PTPN13: variants seen among roughly 807,000 people sequenced by gnomAD.
PTPN13 encodes the protein protein tyrosine phosphatase non-receptor type 13.
In PTPN13, 191 loss-of-function variants were observed where a neutral mutation model predicts 284.0. The ratio of observed to expected loss-of-function variants is 0.67; its 90% confidence interval spans 0.60 to 0.76. PTPN13 has a LOEUF of 0.76. PTPN13 is among the 30% of genes least tolerant of loss of function. The pLI, the probability that PTPN13 is intolerant of heterozygous loss-of-function variation, is 0.00. For synonymous variants in PTPN13, 986 were observed against 1,022.3 expected, an observed-to-expected ratio of 0.96 and a Z score of 0.68; for missense variants, 2,797 against 2,939.9, an observed-to-expected ratio of 0.95 and a Z score of 1.12.
chr4:86,750,956 T>G (rs1349223874), intron 18 of PTPN13, 69 bp downstream of exon 18: 3 of 1,564,424 alleles, frequency 1.9e-6, no homozygotes, highest in Middle Eastern at 1.7e-4. Flanking sequence ...CTTTTTGTTA[T>G]GACATTTTAT....
intron 10 of PTPN13, among the ~76,000 whole-genome samples, chr4:86,726,415 G>A (rs1734261799): frequency 6.7e-6 from 1 of 149,198 alleles, no homozygotes; most frequent in African/African-American, 2.4e-5. Flanking sequence ...TGGGCAGTAT[G>A]GCCATTTTCA....
intron 31 of PTPN13, among the ~76,000 whole-genome samples, chr4:86,771,894 G>A (rs1740041550): frequency 6.6e-6 from 1 of 152,192 alleles, no homozygotes; most frequent in South Asian, 2.1e-4. Context: ...GGAGATAAGG[G>A]CAGAGAGTTT....
At chr4:86,692,825 A>G (rs1404226816) in intron 5 of PTPN13, among the ~76,000 whole-genome samples, 2 of 152,182 alleles carry the variant, frequency 1.3e-5, no homozygotes, top group Non-Finnish European at 2.9e-5. Context: ...CACGCCTGTA[A>G]TCCCAGCACT....
At chr4:86,634,738 A>G (rs1213461149) in intron 1 of PTPN13, among the ~76,000 whole-genome samples, 1 of 152,222 alleles carries the variant, frequency 6.6e-6, no homozygotes, top group African/African-American at 2.4e-5. Context: ...AGTGCAAAAT[A>G]TACAGTTATA....
chr4:86,809,926 G>A lies in PTPN13; in HGVS notation c.7241G>A (p.Arg2414His), dbSNP rs1161314636. 13 of 1,613,858 alleles carry A rather than the reference G, an allele frequency of 8.1e-6. No individual in the cohort carries two copies. The highest frequency in any genetic ancestry group is 4.5e-5 in the East Asian group (2 of 44,884). Residue 2414 changes from arginine (R) to histidine (H), a missense_variant, in exon 46 of 48, where the codon CGT becomes CAT. Physicochemically the swap from Arg to His is conservative, Grantham distance 29. Transcript: ENST00000411767. ...ACGCACTGCAGTGCTGGCATTGGAC[G>A]TTCAGGGACCCTGATTTGCATAGAT... is the stretch of plus-strand genomic sequence containing the variant. ...IITHCSAGIG[R>H]SGTLICIDVV...
At chr4:86,686,279 C>T (rs527838809) in intron 3 of PTPN13, among the ~76,000 whole-genome samples, 2 of 151,666 alleles carry the variant, frequency 1.3e-5, no homozygotes, top group African/African-American at 2.4e-5. Flanking sequence ...GGAGAATTGC[C>T]GGGGGATGGA....
rs1287809322 is a variant in PTPN13 at position 86,672,506 on chromosome 4, A to C, written c.257A>C (p.Gln86Pro). 4 of 1,606,856 alleles carry C rather than the reference A, an allele frequency of 2.5e-6. No homozygotes were observed. The African/African-American group carries it at 5.4e-5, about 21-fold the overall frequency. ...LRAFTAPEVLQNQSLTSLSDV... is the reference protein window; with the variant it reads ...LRAFTAPEVLPNQSLTSLSDV... ...GCATTCACTGCACCAGAGGTTCTTC[A>C]AAATCAGTCACTAACTTCTCTCTCA... is the stretch of plus-strand genomic sequence containing the variant. Residue 86 changes from glutamine to proline, a missense_variant, in exon 3 of 48, where the codon CAA (glutamine) becomes CCA (proline). Gln to Pro is a moderately conservative substitution (Grantham distance 76). Transcript: ENST00000411767.
At chr4:86,635,984 C>T (rs1480582347) in intron 2 of PTPN13, among the ~76,000 whole-genome samples, 3 of 151,996 alleles carry the variant, frequency 2.0e-5, no homozygotes, top group Non-Finnish European at 4.4e-5. Context: ...AATACACACA[C>T]ACTCACACAC....
chr4:86,706,053 TAAC>T (rs1731732438), intron 7 of PTPN13, among the ~76,000 whole-genome samples: 1 of 152,156 alleles, frequency 6.6e-6, no homozygotes, highest in Non-Finnish European at 1.5e-5. Flanking sequence ...TTTCCCCAGC[TAAC>T]AACATCAACT....
chr4:86,793,121 G>C (rs1488780712), intron 40 of PTPN13, among the ~76,000 whole-genome samples: 2 of 123,388 alleles, frequency 1.6e-5, no homozygotes, highest in African/African-American at 6.1e-5. Context: ...CCCATCTCAT[G>C]TGCAATGACG....
At chr4:86,639,204 C>T (rs28787734) in intron 2 of PTPN13, among the ~76,000 whole-genome samples, 10,301 of 150,258 alleles carry the variant, frequency 0.069, 486 homozygotes, top group African/African-American at 0.11. Flanking sequence ...TGTGGAGAAA[C>T]AGGAACACTT....
rs1177058052 is a variant in PTPN13 at position 86,693,068 on chromosome 4, AT to A, written c.547-516del. On this transcript the variant is annotated intron_variant, in intron 5 of 47. Coordinates refer to ENST00000411767, the MANE Select transcript of PTPN13 (RefSeq NM_080683.3). ...GGGTGACAGAGTGAGACTCCGTTAT[AT>A]TTAAAAAAAAAAAAAAAAAAAAAAG... Among the ~76,000 whole-genome samples, 17 of 81,184 alleles carry A rather than the reference AT, an allele frequency of 2.1e-4. No individual in the cohort carries two copies. In the South Asian group the frequency reaches 4.0e-3, roughly 19 times the overall value. The allele number at this position is 81,184 out of a possible 152,430, so 53.3% of individuals were successfully genotyped here.
intron 2 of PTPN13, among the ~76,000 whole-genome samples, chr4:86,659,781 A>T (rs1036609165): frequency 4.6e-5 from 7 of 151,744 alleles, no homozygotes; most frequent in Admixed American, 1.3e-4. Flanking sequence ...GTGACACCGC[A>T]CTCCAGCCTG....
chr4:86,661,010 G>T (rs961704850), intron 2 of PTPN13: 8 of 393,974 alleles, frequency 2.0e-5, no homozygotes, highest in Non-Finnish European at 3.5e-5. Flanking sequence ...TATTGTTGAG[G>T]TATAACATAT....
At chr4:86,814,374 C>T (rs1745570616) in intron 47 of PTPN13, 82 bp from the exon 48 acceptor site, 1 of 932,802 alleles carries the variant, frequency 1.1e-6, no homozygotes, top group Non-Finnish European at 1.6e-6. Context: ...TCCAACATCA[C>T]TTCCAATAGT....
At chr4:86,654,164 C>T (rs1725455173) in intron 2 of PTPN13, among the ~76,000 whole-genome samples, 1 of 152,138 alleles carries the variant, frequency 6.6e-6, no homozygotes, top group Non-Finnish European at 1.5e-5. Flanking sequence ...CAAGAAATAA[C>T]TAAGACCAGA....
chr4:86,664,171 C>T (rs78405897), intron 2 of PTPN13, among the ~76,000 whole-genome samples: 7,095 of 152,116 alleles, frequency 0.047, 221 homozygotes, highest in African/African-American at 0.061. Context: ...AGAAAGCCTG[C>T]GTAATTTCTT....
In PTPN13 at chr4:86,635,320, T is replaced by G; in HGVS notation, c.64T>G (p.Trp22Gly). 1.2e-6 allele frequency: 2 copies of G among 1,607,716 alleles called. No homozygotes were observed. The highest frequency in any genetic ancestry group is 1.7e-6 in the Non-Finnish European group (2 of 1,177,338). ...TGGACCACTTCAGGAGGAAGAAATA[T>G]GGGCTGTATTAAATCAAAGTGCTGA... is the stretch of plus-strand genomic sequence containing the variant. ...RGGPLQEEEIWAVLNQSAESL... is the reference protein window; with the variant it reads ...RGGPLQEEEIGAVLNQSAESL... The change falls in exon 2 of 48, where the codon TGG (tryptophan) becomes GGG (glycine). Residue 22 changes from tryptophan to glycine, a missense_variant. Coordinates refer to ENST00000411767, the MANE Select transcript of PTPN13 (RefSeq NM_080683.3).
Position 86,672,350 on chromosome 4 carries a change from G to A in PTPN13, c.116-15G>A, listed in dbSNP as rs1727807086. On this transcript the variant is annotated splice_polypyrimidine_tract_variant and intron_variant, in intron 2 of 47. Transcript: ENST00000411767. The stretch of plus-strand genomic sequence containing the variant: ...CTTTTTTTTTATTTTTTATTTTGGT[G>A]CAATTACAAACCAGTAAGCCTAGCT... 6.7e-7 allele frequency: 1 copy of A among 1,498,462 alleles called. No individual in the cohort carries two copies. The highest frequency in any genetic ancestry group is 1.4e-5 in the African/African-American group (1 of 69,902). 92.8% of individuals were successfully genotyped at this position (1,498,462 alleles called of 1,614,324 possible).
Sources: allele counts gnomAD v4.1 joint callset (sites outside exome capture counted in the v4.1 genomes callset), GRCh38; gene constraint gnomAD v4.1.1; transcripts MANE v1.5; gene names NCBI Gene and HGNC (gene_info 2026-07-23, HGNC 2026-07-21).